HS3ST4: variants seen among roughly 807,000 people sequenced by gnomAD.
HS3ST4 encodes the protein heparan sulfate-glucosamine 3-sulfotransferase 4, also known as heparan sulfate glucosamine 3-O-sulfotransferase 4.
HS3ST4 carries 17 observed loss-of-function variants against 29.2 expected under a neutral mutation model. That is an observed-to-expected ratio of 0.58 (90% confidence interval 0.40 to 0.87). The LOEUF (loss-of-function observed/expected upper bound fraction) is 0.87, where lower values mean the gene tolerates loss of function less well. HS3ST4 is among the 40% of genes least tolerant of loss of function. The probability of loss-of-function intolerance (pLI) is 0.00; values close to 1 mark genes in which losing one functional copy is unlikely to be tolerated. For missense variants in HS3ST4, 627 were observed against 634.5 expected, an observed-to-expected ratio of 0.99 and a Z score of 0.13; for synonymous variants, 314 against 285.7, an observed-to-expected ratio of 1.10 and a Z score of -1.00.
intron 1 of HS3ST4, among the ~76,000 whole-genome samples, chr16:26,122,521 G>GC (rs1219674778): frequency 6.6e-6 from 1 of 152,186 alleles, no homozygotes; most frequent in African/African-American, 2.4e-5. Flanking sequence ...TGAGGCGTGG[G>GC]CCCGGTGGAA....
intron 1 of HS3ST4, among the ~76,000 whole-genome samples, chr16:25,999,479 A>G (rs1229232654): frequency 2.6e-5 from 4 of 151,582 alleles, no homozygotes; most frequent in Non-Finnish European, 2.9e-5. Flanking sequence ...ATAACCATCT[A>G]TGTGTGGGAT....
At chr16:26,006,405 G>C (rs1278654348) in intron 1 of HS3ST4, among the ~76,000 whole-genome samples, 2 of 151,302 alleles carry the variant, frequency 1.3e-5, no homozygotes, top group African/African-American at 4.9e-5. Flanking sequence ...TTTAAGGTGA[G>C]AGTGTAAACT....
At chr16:25,824,171 G>A (rs557863720) in intron 1 of HS3ST4, among the ~76,000 whole-genome samples, 3 of 152,280 alleles carry the variant, frequency 2.0e-5, no homozygotes, top group South Asian at 2.1e-4. Flanking sequence ...CAGAAACAGG[G>A]AGGTCTGCTG....
At position 25,977,242 on chromosome 16, in the gene HS3ST4, GTAATTTGTGTGGACAT is replaced by G. The variant is rs572097897; in HGVS notation, c.735-158369_735-158354del. Among the ~76,000 whole-genome samples the G allele has an allele frequency of 3.3e-3, 499 of 152,284 alleles. 2 individuals are homozygous for G. Among genetic ancestry groups the G allele is most frequent in the Non-Finnish European group, 5.8e-3 (392 of 68,026 alleles). On this transcript the variant is annotated intron_variant, in intron 1 of 1. Transcript: ENST00000331351. The stretch of plus-strand genomic sequence containing the variant: ...CTCGCTGGAGCATGACTTGAATGAT[GTAATTTGTGTGGACAT>G]CCTCGGTCCATCACAGGCATTTAAT...
At chr16:25,838,394 A>AC (rs1193868761) in intron 1 of HS3ST4, among the ~76,000 whole-genome samples, 1 of 152,212 alleles carries the variant, frequency 6.6e-6, no homozygotes, top group Non-Finnish European at 1.5e-5. Context: ...CATTTGTCAG[A>AC]CATATGTGGC....
At chr16:26,052,067 A>G (rs1287837337) in intron 1 of HS3ST4, among the ~76,000 whole-genome samples, 2 of 152,092 alleles carry the variant, frequency 1.3e-5, no homozygotes, top group East Asian at 3.9e-4. Context: ...ATGGCCATAA[A>G]GAAATGATCT....
chr16:26,071,670 G>A (rs1230478229), intron 1 of HS3ST4, among the ~76,000 whole-genome samples: 1 of 152,098 alleles, frequency 6.6e-6, no homozygotes, highest in Non-Finnish European at 1.5e-5. Flanking sequence ...CACACCAAAG[G>A]TCGGTTGCAG....
intron 1 of HS3ST4, among the ~76,000 whole-genome samples, chr16:25,840,942 T>G (rs1008542339): frequency 6.6e-6 from 1 of 151,824 alleles, no homozygotes; most frequent in Admixed American, 6.6e-5. Flanking sequence ...AAATGAGATT[T>G]GTATTTACTT....
chr16:25,735,182 A>G (rs1451595242), intron 1 of HS3ST4, among the ~76,000 whole-genome samples: 3 of 152,154 alleles, frequency 2.0e-5, no homozygotes, highest in Non-Finnish European at 2.9e-5. Context: ...GCACTGTAAG[A>G]TATAGTAGTA....
intron 1 of HS3ST4, among the ~76,000 whole-genome samples, chr16:25,912,531 C>G (rs968109013): frequency 4.6e-5 from 7 of 152,184 alleles, no homozygotes; most frequent in African/African-American, 1.7e-4. Context: ...TCAAGCCTTT[C>G]TGAGGTTATT....
chr16:25,858,062 G>C (rs116450445), intron 1 of HS3ST4, among the ~76,000 whole-genome samples: 1 of 103,540 alleles, frequency 9.7e-6, no homozygotes, highest in Non-Finnish European at 2.1e-5. Flanking sequence ...TCTTTCTTTC[G>C]TTCTTTTTCT....
intron 1 of HS3ST4, among the ~76,000 whole-genome samples, chr16:25,869,461 T>C (rs1035622129): frequency 6.6e-6 from 1 of 152,176 alleles, no homozygotes; most frequent in African/African-American, 2.4e-5. Flanking sequence ...TTTGGGCATG[T>C]TATTTGACCT....
intron 1 of HS3ST4, among the ~76,000 whole-genome samples, chr16:25,904,208 A>G (rs1441612587): frequency 6.6e-6 from 1 of 152,052 alleles, no homozygotes; most frequent in Non-Finnish European, 1.5e-5. Context: ...GAATGGATGG[A>G]TGGATGGACG....
rs1555467593 is a variant in HS3ST4, at chr16:25,828,301, C to CTCTCT, written c.734+135150_734+135151insTCTCT. On this transcript the variant is annotated intron_variant, in intron 1 of 1. Transcript: ENST00000331351. ...CTTTCTTTCTTTCTTTCTTTCTTTC[C>CTCTCT]CTCTCTCTCTCTCTCTCTCTCTCTC... is the stretch of plus-strand genomic sequence containing the variant. 3.2e-3 allele frequency among the ~76,000 whole-genome samples: 105 copies of CTCTCT among 32,894 alleles called. 4 individuals carry two copies. The highest frequency in any genetic ancestry group is 4.1e-3 in the Non-Finnish European group (74 of 18,210). The allele number at this position is 32,894 out of a possible 152,430, so 21.6% of individuals were successfully genotyped here.
At chr16:26,106,621 C>T (rs1899060986) in intron 1 of HS3ST4, among the ~76,000 whole-genome samples, 1 of 152,164 alleles carries the variant, frequency 6.6e-6, no homozygotes, top group Non-Finnish European at 1.5e-5. Flanking sequence ...AGCCACATAC[C>T]TTTGGGCAGT....
chr16:25,734,894 C>T (rs1966596573), intron 1 of HS3ST4, among the ~76,000 whole-genome samples: 1 of 152,198 alleles, frequency 6.6e-6, no homozygotes, highest in Non-Finnish European at 1.5e-5. Context: ...TTTTCTGGTG[C>T]TTCCCACATC....
chr16:25,743,568 C>T (rs978405356), intron 1 of HS3ST4, among the ~76,000 whole-genome samples: 8 of 152,028 alleles, frequency 5.3e-5, no homozygotes, highest in South Asian at 4.1e-4. Flanking sequence ...TGCAGTGGTA[C>T]GATATCGGCT....
intron 1 of HS3ST4, among the ~76,000 whole-genome samples, chr16:25,772,190 A>G (rs1395433039): frequency 6.6e-6 from 1 of 152,188 alleles, no homozygotes. Context: ...GTACTGAAAG[A>G]TGGTATTTGG....
rs1427499361 is a variant in HS3ST4, at chr16:25,756,150, ACACG to A, written c.734+63003_734+63006del. Among the ~76,000 whole-genome samples the A allele has an allele frequency of 5.0e-3, 416 of 83,864 alleles. 2 individuals are homozygous for A. Among genetic ancestry groups the A allele is most frequent in the Middle Eastern group, 0.018 (3 of 170 alleles). 55.0% of individuals were successfully genotyped at this position (83,864 alleles called of 152,430 possible). A position where few individuals can be genotyped will look rare whatever the true frequency, so the allele number is the denominator to read the frequency against. On this transcript the variant is annotated intron_variant, in intron 1 of 1. Transcript: ENST00000331351. Reference sequence around the variant, plus strand: ...CATACACACACACACACACACACACACACGCACACACACACACACACACACACCC... The same window carrying A: ...CATACACACACACACACACACACACACACACACACACACACACACACACCC...
Sources: allele counts gnomAD v4.1 joint callset (sites outside exome capture counted in the v4.1 genomes callset), GRCh38; gene constraint gnomAD v4.1.1; transcripts MANE v1.5; gene names NCBI Gene and HGNC (gene_info 2026-07-23, HGNC 2026-07-21).